Variants in ST6GALNAC5 observed in about 807,000 individuals in gnomAD.
ST6GALNAC5 encodes the protein alpha-N-acetylgalactosaminide alpha-2,6-sialyltransferase 5.
In ST6GALNAC5, 27 loss-of-function variants were observed where a neutral mutation model predicts 33.6. The observed-to-expected ratio is 0.80, with a 90% confidence interval of 0.59 to 1.11. ST6GALNAC5 has a LOEUF of 1.11. Among genes scored for constraint, ST6GALNAC5 ranks in the 50% least tolerant of loss-of-function variants. The pLI is 0.00. For missense variants in ST6GALNAC5, 428 were observed against 454.0 expected (o/e 0.94, Z 0.52); for synonymous variants, 194 against 171.2 (o/e 1.13, Z -1.04).
intron 2 of ST6GALNAC5, among the ~76,000 whole-genome samples, chr1:76,979,557 G>C (rs1649164785): frequency 6.6e-6 from 1 of 152,056 alleles, no homozygotes; most frequent in Non-Finnish European, 1.5e-5. Flanking sequence ...AATGGTGCTG[G>C]GAAAAGTGAT....
At chr1:76,959,753 A>C (rs999226372) in intron 2 of ST6GALNAC5, among the ~76,000 whole-genome samples, 2 of 152,192 alleles carry the variant, frequency 1.3e-5, no homozygotes, top group Non-Finnish European at 2.9e-5. Flanking sequence ...ATTCTTAGTC[A>C]CTGGCTTATG....
intron 2 of ST6GALNAC5, among the ~76,000 whole-genome samples, chr1:76,889,394 G>C (rs1653966819): frequency 6.6e-6 from 1 of 151,996 alleles, no homozygotes; most frequent in South Asian, 2.1e-4. Flanking sequence ...TTTCTACTTA[G>C]ATTTCCATCA....
chr1:77,006,186 C>G (rs990415628), intron 2 of ST6GALNAC5, among the ~76,000 whole-genome samples: 2 of 151,662 alleles, frequency 1.3e-5, no homozygotes, highest in Non-Finnish European at 2.9e-5. Context: ...ACAGGGTCTT[C>G]TTCTGTTGCC....
chr1:76,945,883 G>A (rs1340946691), intron 2 of ST6GALNAC5, among the ~76,000 whole-genome samples: 1 of 152,052 alleles, frequency 6.6e-6, no homozygotes, highest in African/African-American at 2.4e-5. Context: ...AGTCATTTAG[G>A]TAGTCACAGA....
intron 2 of ST6GALNAC5, among the ~76,000 whole-genome samples, chr1:76,977,832 A>G (rs1020711381): frequency 6.6e-6 from 1 of 152,146 alleles, no homozygotes; most frequent in African/African-American, 2.4e-5. Flanking sequence ...TTTCCTTTGG[A>G]TATATATAAT....
intron 2 of ST6GALNAC5, among the ~76,000 whole-genome samples, chr1:76,881,742 A>ATAGC (rs1237848164): frequency 6.6e-6 from 1 of 152,226 alleles, no homozygotes; most frequent in Non-Finnish European, 1.5e-5. Context: ...CTGAAAAGGA[A>ATAGC]TAGCTGCAAG....
intron 2 of ST6GALNAC5, among the ~76,000 whole-genome samples, chr1:76,909,737 G>A (rs1646893870): frequency 6.6e-6 from 1 of 152,024 alleles, no homozygotes; most frequent in Non-Finnish European, 1.5e-5. Flanking sequence ...TGCATAATTT[G>A]TCTTATGAAT....
chr1:77,037,658 T>C (rs958326313), intron 2 of ST6GALNAC5, among the ~76,000 whole-genome samples: 8 of 152,128 alleles, frequency 5.3e-5, no homozygotes, highest in Non-Finnish European at 7.3e-5. Context: ...GTGAGTGACA[T>C]AATTTGATTT....
chr1:77,006,173 G>A (rs1218061430), intron 2 of ST6GALNAC5, among the ~76,000 whole-genome samples: 1 of 151,106 alleles, frequency 6.6e-6, no homozygotes, highest in African/African-American at 2.4e-5. Flanking sequence ...TTTGTTTGTT[G>A]AGACAGGGTC....
At chr1:77,022,488 A>G (rs1400915139) in intron 2 of ST6GALNAC5, among the ~76,000 whole-genome samples, 3 of 152,204 alleles carry the variant, frequency 2.0e-5, no homozygotes, top group Admixed American at 1.3e-4. Flanking sequence ...TGTCCAGAAA[A>G]TAGAGGGAAT....
rs552786129 is a variant in ST6GALNAC5, at chr1:77,002,224, T to C, written c.262-41980T>C. On this transcript the variant is annotated intron_variant, in intron 2 of 4. Coordinates refer to ENST00000477717, the MANE Select transcript of ST6GALNAC5 (RefSeq NM_030965.3). ...TCTTCCTGGTTTAGTCTTGGGAGAG[T>C]GTATGTGTCGAGGAATTTATCCATT... is the stretch of plus-strand genomic sequence containing the variant. Among the ~76,000 whole-genome samples, 111 of 152,246 alleles carry C rather than the reference T, an allele frequency of 7.3e-4. 3 individuals carry two copies. The highest frequency in any genetic ancestry group is 2.7e-3 in the African/African-American group (111 of 41,546).
At chr1:77,005,412 C>A (rs1650365314) in intron 2 of ST6GALNAC5, among the ~76,000 whole-genome samples, 1 of 152,208 alleles carries the variant, frequency 6.6e-6, no homozygotes, top group Non-Finnish European at 1.5e-5. Context: ...TGAGATGAAC[C>A]CGGTACCTCA....
intron 2 of ST6GALNAC5, among the ~76,000 whole-genome samples, chr1:77,005,550 A>G (rs553786041): frequency 1.4e-4 from 22 of 152,348 alleles, no homozygotes; most frequent in African/African-American, 4.6e-4. Flanking sequence ...TAAAATATAC[A>G]TATTATAAAA....
At chr1:77,035,257 A>C (rs763381948) in intron 2 of ST6GALNAC5, among the ~76,000 whole-genome samples, 4 of 152,172 alleles carry the variant, frequency 2.6e-5, no homozygotes, top group Non-Finnish European at 5.9e-5. Flanking sequence ...TAAGTCTATG[A>C]AGCTCATTTT....
At position 77,044,189 on chromosome 1, in the gene ST6GALNAC5, C is replaced by G. The variant is rs1214277629; in HGVS notation, c.262-15C>G. ...CCTTTGCCCCTGACAGTGTCCTTCT[C>G]CCCCTGCCTTCCAGCCCCTGAAAAT... On this transcript the variant is annotated splice_polypyrimidine_tract_variant and intron_variant, in intron 2 of 4. Coordinates refer to ENST00000477717, the MANE Select transcript of ST6GALNAC5 (RefSeq NM_030965.3). 1 of 1,581,602 alleles carries G rather than the reference C, an allele frequency of 6.3e-7. No homozygotes were observed. The highest frequency in any genetic ancestry group is 1.3e-5 in the African/African-American group (1 of 74,486).
intron 2 of ST6GALNAC5, among the ~76,000 whole-genome samples, chr1:76,964,017 G>C (rs1429667242): frequency 6.6e-6 from 1 of 152,062 alleles, no homozygotes; most frequent in Non-Finnish European, 1.5e-5. Flanking sequence ...GAATGTGTGT[G>C]GTCTCTAGAA....
intron 2 of ST6GALNAC5, among the ~76,000 whole-genome samples, chr1:76,953,295 T>G (rs146527830): frequency 6.6e-6 from 1 of 152,302 alleles, no homozygotes; most frequent in East Asian, 1.9e-4. Context: ...TTTCCCACCA[T>G]CATGTATGAG....
intron 2 of ST6GALNAC5, among the ~76,000 whole-genome samples, chr1:76,954,715 A>C (rs1647885453): frequency 1.3e-5 from 2 of 152,168 alleles, no homozygotes; most frequent in African/African-American, 4.8e-5. Context: ...GATGTAATTC[A>C]TGCTATTACT....
intron 2 of ST6GALNAC5, among the ~76,000 whole-genome samples, chr1:76,951,355 A>G (rs968131700): frequency 7.9e-5 from 12 of 152,258 alleles, no homozygotes; most frequent in African/African-American, 2.9e-4. Flanking sequence ...GACTGTTTAA[A>G]AATGTGTGTG....
Sources: allele counts gnomAD v4.1 joint callset (sites outside exome capture counted in the v4.1 genomes callset), GRCh38; gene constraint gnomAD v4.1.1; transcripts MANE v1.5; gene names NCBI Gene and HGNC (gene_info 2026-07-23, HGNC 2026-07-21).